Variants in LRRK2 observed in about 807,000 individuals in gnomAD.
The protein encoded by LRRK2 is leucine-rich repeat serine/threonine-protein kinase 2.
LRRK2 carries 203 observed loss-of-function variants against 302.6 expected under a neutral mutation model. That is an observed-to-expected ratio of 0.67 (90% CI 0.60 to 0.75). The LOEUF (loss-of-function observed/expected upper bound fraction) is 0.75, where lower values mean the gene tolerates loss of function less well. Among genes scored for constraint, LRRK2 ranks in the 30% least tolerant of loss-of-function variants. The probability of loss-of-function intolerance (pLI) is 0.00; values close to 1 mark genes in which losing one functional copy is unlikely to be tolerated. For synonymous variants in LRRK2, 1,066 were observed against 1,031.9 expected (o/e 1.03, Z -0.63); for missense variants, 2,830 against 2,951.0 (o/e 0.96, Z 0.95).
intron 11 of LRRK2, among the ~76,000 whole-genome samples, chr12:40,253,352 G>A (rs900086302): frequency 6.6e-6 from 1 of 151,916 alleles, no homozygotes; most frequent in Non-Finnish European, 1.5e-5. Flanking sequence ...TGATACATGT[G>A]TATTCTCACA....
rs541503707 is a variant in LRRK2, at chr12:40,337,400, A to G, written c.5948+2243A>G. On this transcript the variant is annotated intron_variant, in intron 40 of 50. Coordinates refer to ENST00000298910, the MANE Select transcript of LRRK2 (RefSeq NM_198578.4). ...TATAAAACTTATGAAAATACAGTCA[A>G]CTGCATTTTCTGTATGTTTCTGTGT... 4.6e-5 allele frequency among the ~76,000 whole-genome samples: 7 copies of G among 152,324 alleles called. No homozygotes were observed. In the East Asian group the frequency reaches 1.2e-3, roughly 25 times the overall value.
At chr12:40,287,901 G>GA (rs1324808369) in intron 20 of LRRK2, among the ~76,000 whole-genome samples, 5 of 151,748 alleles carry the variant, frequency 3.3e-5, no homozygotes, top group African/African-American at 1.2e-4. Flanking sequence ...ATAATAATTA[G>GA]AAAAAATGTA....
chr12:40,256,791 A>G (rs1161962769), intron 11 of LRRK2, among the ~76,000 whole-genome samples: 1 of 152,222 alleles, frequency 6.6e-6, no homozygotes, highest in African/African-American at 2.4e-5. Context: ...ACATGCTTAT[A>G]ACTCATTCCC....
intron 43 of LRRK2, among the ~76,000 whole-genome samples, chr12:40,350,772 A>C (rs929175094): frequency 2.6e-5 from 4 of 152,062 alleles, no homozygotes; most frequent in African/African-American, 4.8e-5. Context: ...CCACAGTAAA[A>C]ATTTTTCATA....
In LRRK2 at chr12:40,363,549, T is replaced by C; in HGVS notation, c.7176T>C (p.Phe2392=). The C allele has an allele frequency of 6.2e-7, 1 of 1,611,344 alleles. No homozygotes were observed. Among genetic ancestry groups the C allele is most frequent in the South Asian group, 1.1e-5 (1 of 91,028 alleles). Reference sequence around the variant, plus strand: ...GTGGACTAATAGACTGCGTGCACTTTTTAAGGTAAATTCTGTGGTTTTTAA... The same window carrying C: ...GTGGACTAATAGACTGCGTGCACTTCTTAAGGTAAATTCTGTGGTTTTTAA... ...KLCGLIDCVH[F]LREVMVKENK... Residue 2392 remains phenylalanine (F), a synonymous_variant, in exon 48 of 51, where the codon TTT becomes TTC. Coordinates refer to ENST00000298910, the MANE Select transcript of LRRK2 (RefSeq NM_198578.4).
At chr12:40,329,459 C>CTCATATTTAAAT (rs1945647098) in intron 39 of LRRK2, among the ~76,000 whole-genome samples, 1 of 151,980 alleles carries the variant, frequency 6.6e-6, no homozygotes, top group South Asian at 2.1e-4. Flanking sequence ...CATTTATATT[C>CTCATATTTAAAT]TGGTCTGTAC....
At chr12:40,333,934 G>T (rs1283201828) in intron 39 of LRRK2, among the ~76,000 whole-genome samples, 1 of 152,094 alleles carries the variant, frequency 6.6e-6, no homozygotes, top group Non-Finnish European at 1.5e-5. Flanking sequence ...AGAGGAGGGG[G>T]AGACGAGAAG....
rs200043889 is a variant in LRRK2 at position 40,252,962 on chromosome 12, A to G, written c.1234A>G (p.Lys412Glu). 12 of 1,613,544 alleles carry G rather than the reference A, an allele frequency of 7.4e-6. No homozygotes were observed. In the Admixed American group the frequency reaches 1.0e-4, roughly 13 times the overall value. ...MLSMLMHSSS[K>E]EVFQASANAL... ...CTCCATGCTGATGCATTCTTCATCA[A>G]AGGAAGTTTTCCAGGCATCTGCGAA... is the stretch of plus-strand genomic sequence containing the variant. The change falls in exon 11 of 51, where the codon AAG becomes GAG. Residue 412 changes from lysine to glutamate, a missense_variant. By Grantham distance (56) the Lys-to-Glu change is moderately conservative. Around this residue, in one of 3 missense-constraint regions of LRRK2, gnomAD observed 2,121 missense variants for 2,148.0 expected, o/e 0.99. Coordinates refer to ENST00000298910, the MANE Select transcript of LRRK2 (RefSeq NM_198578.4).
At chr12:40,225,477 C>G in intron 1 of LRRK2, 78 bp from the exon 2 acceptor site, 1 of 1,386,294 alleles carries the variant, frequency 7.2e-7, no homozygotes, top group African/African-American at 1.4e-5. Context: ...TGACTTTTCT[C>G]CCCGTTTCAG....
At chr12:40,287,829 G>A (rs766404678) in intron 20 of LRRK2, among the ~76,000 whole-genome samples, 4 of 151,740 alleles carry the variant, frequency 2.6e-5, no homozygotes, top group East Asian at 1.9e-4. Flanking sequence ...AGATCCTTTC[G>A]TGGCTTGTGT....
intron 48 of LRRK2, among the ~76,000 whole-genome samples, chr12:40,363,794 C>A (rs908266656): frequency 6.6e-6 from 1 of 151,866 alleles, no homozygotes; most frequent in African/African-American, 2.4e-5. Context: ...AGAATGTTCT[C>A]GAATGAAAAT....
intron 37 of LRRK2, 52 bp from the exon 38 acceptor site, chr12:40,323,108 T>C: frequency 6.7e-7 from 1 of 1,498,710 alleles, no homozygotes; most frequent in Non-Finnish European, 9.3e-7. Context: ...CACAAATTTA[T>C]GTATCTCCTT....
At chr12:40,333,772 G>A (rs1182719462) in intron 39 of LRRK2, among the ~76,000 whole-genome samples, 1 of 152,106 alleles carries the variant, frequency 6.6e-6, no homozygotes, top group African/African-American at 2.4e-5. Context: ...TAATATTTGA[G>A]ATAAGATCTG....
intron 45 of LRRK2, among the ~76,000 whole-genome samples, chr12:40,355,000 A>G (rs1328848153): frequency 6.6e-6 from 1 of 152,210 alleles, no homozygotes; most frequent in Non-Finnish European, 1.5e-5. Flanking sequence ...TTCTTGTCCC[A>G]AAGAAATATA....
intron 23 of LRRK2, among the ~76,000 whole-genome samples, chr12:40,298,030 A>G (rs140511931): frequency 1.6e-4 from 24 of 152,098 alleles, no homozygotes; most frequent in Admixed American, 1.1e-3. Flanking sequence ...GCTTTTTACA[A>G]TCTACCTGTT....
chr12:40,330,760 A>T (rs1376844167), intron 39 of LRRK2, among the ~76,000 whole-genome samples: 2 of 152,126 alleles, frequency 1.3e-5, no homozygotes, highest in Non-Finnish European at 2.9e-5. Context: ...TTGCTCCAAG[A>T]GTATATGTTA....
intron 44 of LRRK2, among the ~76,000 whole-genome samples, chr12:40,352,289 G>A (rs770347075): frequency 3.3e-5 from 5 of 152,100 alleles, no homozygotes; most frequent in Non-Finnish European, 7.4e-5. Flanking sequence ...AACACTCAGG[G>A]TAGCTGGGGA....
rs199610083 is a variant in LRRK2, at chr12:40,225,505, G to T, written c.152-50G>T. The T allele has an allele frequency of 6.8e-6, 10 of 1,480,848 alleles. No individual in the cohort carries two copies. The Middle Eastern group carries it at 6.9e-4, about 102-fold the overall frequency. The allele number at this position is 1,480,848 out of a possible 1,614,324, so 91.7% of individuals were successfully genotyped here. On this transcript the variant is annotated intron_variant, in intron 1 of 50. Coordinates refer to ENST00000298910, the MANE Select transcript of LRRK2 (RefSeq NM_198578.4). ...CGTTTCAGACTAAAAAGGAGAGGGG[G>T]TGCTGTGGATTGTGACTTTGCTTCT...
chr12:40,229,468 A>C (rs1941064574), intron 2 of LRRK2, among the ~76,000 whole-genome samples: 1 of 152,146 alleles, frequency 6.6e-6, no homozygotes. Context: ...ATTGACGGTT[A>C]AGCTAGGTGC....
Sources: gnomAD v4.1 joint callset for allele counts (sites outside exome capture counted in the v4.1 genomes callset) on GRCh38, gnomAD v4.1.1 for gene constraint, gnomAD v4.1.1 regional missense constraint, MANE v1.5 for transcripts, NCBI Gene and HGNC (gene_info 2026-07-23, HGNC 2026-07-21) for gene names.